The following BDP1 variants were observed in gnomAD, a reference collection of about 807,000 sequenced individuals.
BDP1 encodes BDP1 general transcription factor IIIB subunit.
A neutral mutation model predicts 266.6 loss-of-function variants in BDP1; 169 were observed. The ratio of observed to expected loss-of-function variants is 0.63; its 90% CI spans 0.56 to 0.72. The LOEUF (loss-of-function observed/expected upper bound fraction) is 0.72. BDP1 is among the 30% of genes least tolerant of loss of function. The pLI is 0.00. For synonymous variants in BDP1, 1,090 were observed against 1,022.4 expected (o/e 1.07, Z -1.26); for missense variants, 3,015 against 3,053.8 (o/e 0.99, Z 0.30).
Position 71,513,395 on chromosome 5 carries a change from C to A in BDP1, c.4458C>A (p.Leu1486=). ...MQENNEQTDT[L]PSQHDEASLM... is the part of the protein sequence containing the mutation. ...AAAATAATGAACAAACTGATACTCTCCCTTCTCAACATGTGAGTGTATTTG... is the reference window on the plus strand; with the variant it reads ...AAAATAATGAACAAACTGATACTCTACCTTCTCAACATGTGAGTGTATTTG... Residue 1486 remains leucine (L), a synonymous_variant, in exon 19 of 39, where the codon CTC becomes CTA. Coordinates refer to ENST00000358731, the MANE Select transcript of BDP1 (RefSeq NM_018429.3). 6.4e-7 allele frequency: 1 copy of A among 1,573,958 alleles called. No individual in the cohort carries two copies.
intron 33 of BDP1, among the ~76,000 whole-genome samples, chr5:71,548,993 C>T (rs1267599027): frequency 6.6e-6 from 1 of 152,180 alleles, no homozygotes; most frequent in African/African-American, 2.4e-5. Context: ...TGGTGGCTCA[C>T]TTTGGGAGGC....
chr5:71,537,873 G>A (rs987545232), intron 26 of BDP1: 1 of 155,178 alleles, frequency 6.4e-6, no homozygotes, highest in African/African-American at 2.4e-5. Flanking sequence ...CATGCTGGGT[G>A]CCTGTGAGCC....
the BDP1 span, among the ~76,000 whole-genome samples, chr5:71,576,099 G>A: frequency 6.6e-6 from 1 of 152,304 alleles, no homozygotes; most frequent in African/African-American, 2.4e-5. Context: ...CTACTGGAGT[G>A]TCAAGGCCAG....
At chr5:71,563,013 C>CCTG in intron 38 of BDP1, 2 of 547,528 alleles carry the variant, frequency 3.7e-6, no homozygotes, top group South Asian at 2.7e-5. Context: ...CAGCATGAGC[C>CCTG]TTTGGAAGGG....
chr5:71,562,484 T>C lies in BDP1; in HGVS notation c.7707T>C (p.Thr2569=). The change falls in exon 38 of 39, where the codon ACT becomes ACC. Residue 2569 remains threonine (T), a synonymous_variant. Coordinates refer to ENST00000358731, the MANE Select transcript of BDP1 (RefSeq NM_018429.3). ...SDLLPSPSVI[T]TQSENISSSA... ...TGCTTCCATCTCCAAGTGTTATTAC[T>C]ACTCAATCTGAGAATATTAGCAGCT... 1 of 1,613,922 alleles carries C rather than the reference T, an allele frequency of 6.2e-7. No homozygotes were observed. The highest frequency in any genetic ancestry group is 8.5e-7 in the Non-Finnish European group (1 of 1,179,880).
chr5:71,573,803 C>T, the BDP1 span, among the ~76,000 whole-genome samples: 1 of 152,196 alleles, frequency 6.6e-6, no homozygotes, highest in East Asian at 1.9e-4. Flanking sequence ...GCAGTGTGTA[C>T]AGGCCACTAA....
intron 7 of BDP1, among the ~76,000 whole-genome samples, chr5:71,482,167 G>C (rs957854695): frequency 1.3e-5 from 2 of 152,160 alleles, no homozygotes; most frequent in Non-Finnish European, 2.9e-5. Context: ...TTAGGCCAAG[G>C]TATCATGGGG....
At chr5:71,468,721 C>T (rs982871844) in intron 6 of BDP1, among the ~76,000 whole-genome samples, 6 of 151,552 alleles carry the variant, frequency 4.0e-5, no homozygotes, top group African/African-American at 2.4e-5. Flanking sequence ...ATTCTCCTGC[C>T]TCAGCCTCCC....
In BDP1 at chr5:71,501,591, A is replaced by G. The variant is rs990647807; in HGVS notation, c.1986A>G (p.Thr662=). 1.9e-6 allele frequency: 3 copies of G among 1,604,610 alleles called. No individual in the cohort carries two copies. The highest frequency in any genetic ancestry group is 3.3e-5 in the Admixed American group (2 of 59,822). ...KNHVEKDKMN[T]LDILRMETTE... ...ACGTGGAAAAAGATAAAATGAATAC[A>G]TTGGACATTTTGAGAATGGAGACTA... Residue 662 remains threonine (T), a synonymous_variant, in exon 14 of 39, where the codon ACA becomes ACG. Transcript: ENST00000358731.
chr5:71,538,878 G>A (rs1009139625), intron 26 of BDP1, among the ~76,000 whole-genome samples, 164 bp from the exon 27 acceptor site: 5 of 152,138 alleles, frequency 3.3e-5, no homozygotes, highest in African/African-American at 4.8e-5. Context: ...AATTGTTTAT[G>A]TTCTTGCTGG....
intron 8 of BDP1, among the ~76,000 whole-genome samples, chr5:71,485,554 T>C (rs1017551861): frequency 2.6e-5 from 4 of 152,158 alleles, no homozygotes; most frequent in Admixed American, 2.0e-4. Context: ...AGTATATACC[T>C]TCTTTTCTGA....
Position 71,455,752 on chromosome 5 carries a change from G to A in BDP1, c.-126G>A. 2 of 780,436 alleles carry A rather than the reference G, an allele frequency of 2.6e-6. No individual in the cohort carries two copies. The highest frequency in any genetic ancestry group is 3.0e-5 in the Admixed American group (1 of 33,818). The allele number at this position is 780,436 out of a possible 1,614,324, so 48.3% of individuals were successfully genotyped here. On this transcript the variant is annotated 5_prime_UTR_variant, in exon 1 of 39. Coordinates refer to ENST00000358731, the MANE Select transcript of BDP1 (RefSeq NM_018429.3). ...GCGGGGCAGTGAAACTACGGTAGCT[G>A]CCCCCTGAGCTGGTGGTGTGGCTTT...
chr5:71,560,289 T>C, intron 37 of BDP1, 52 bp downstream of exon 37: 5 of 1,562,192 alleles, frequency 3.2e-6, no homozygotes, highest in Non-Finnish European at 4.4e-6. Context: ...TTAATAAATA[T>C]AACCTATACA....
chr5:71,495,405 C>T lies in BDP1; in HGVS notation c.1796C>T (p.Ser599Leu), dbSNP rs760714227. The change falls in exon 12 of 39, where the codon TCA (serine) becomes TTA (leucine). Residue 599 changes from serine (S) to leucine (L), a missense_variant. Ser to Leu is a moderately radical substitution (Grantham distance 145). Transcript: ENST00000358731. ...AGAAATGTTGACCTAAAAAATAATT[C>T]ACTGTAAGTATTTTATACGATAGGA... ...EERNVDLKNN[S>L]LEIDQTENVK... The T allele has an allele frequency of 1.3e-6, 2 of 1,561,628 alleles. No individual in the cohort carries two copies. The highest frequency in any genetic ancestry group is 1.7e-6 in the Non-Finnish European group (2 of 1,148,122).
intron 7 of BDP1, among the ~76,000 whole-genome samples, chr5:71,482,471 A>G (rs1214361395): frequency 6.6e-6 from 1 of 152,194 alleles, no homozygotes; most frequent in Non-Finnish European, 1.5e-5. Flanking sequence ...GTGGAGTTGG[A>G]TATGTAGGAC....
chr5:71,503,009 C>A (rs1764348100), intron 15 of BDP1, among the ~76,000 whole-genome samples: 1 of 148,728 alleles, frequency 6.7e-6, no homozygotes, highest in Non-Finnish European at 1.5e-5. Context: ...CTGCCTCAGC[C>A]ACCTGAGATC....
intron 37 of BDP1, 112 bp from the exon 38 acceptor site, chr5:71,562,162 C>T: frequency 1.9e-6 from 2 of 1,067,068 alleles, no homozygotes; most frequent in Non-Finnish European, 1.3e-6. Context: ...TGCGCCACTG[C>T]ACTCCAGCCT....
At chr5:71,550,950 C>G (rs987085782) in intron 34 of BDP1, among the ~76,000 whole-genome samples, 5 of 152,136 alleles carry the variant, frequency 3.3e-5, no homozygotes, top group African/African-American at 1.2e-4. Context: ...AGGTAATACA[C>G]CTGCCTCGGT....
intron 25 of BDP1, among the ~76,000 whole-genome samples, chr5:71,530,491 A>G (rs1476784080): frequency 6.6e-6 from 1 of 151,728 alleles, no homozygotes; most frequent in Non-Finnish European, 1.5e-5. Flanking sequence ...CAATCTGCCA[A>G]CCTCAGCCTC....
Sources: allele counts gnomAD v4.1 joint callset (sites outside exome capture counted in the v4.1 genomes callset), GRCh38; gene constraint gnomAD v4.1.1; transcripts MANE v1.5; gene names NCBI Gene and HGNC (gene_info 2026-07-23, HGNC 2026-07-21).